Variants in TAF4B observed in about 807,000 individuals in gnomAD.
The protein encoded by TAF4B is transcription initiation factor TFIID subunit 4B.
Under a neutral mutation model 86.4 loss-of-function variants are expected in TAF4B, and 38 were observed. The ratio of observed to expected loss-of-function variants is 0.44; its 90% CI spans 0.34 to 0.58. The LOEUF (loss-of-function observed/expected upper bound fraction) is 0.58, where lower values mean the gene tolerates loss of function less well. TAF4B is among the 20% of genes least tolerant of loss of function. The pLI, the probability that TAF4B is intolerant of heterozygous loss-of-function variation, is 0.02. For synonymous variants in TAF4B, 388 were observed against 391.2 expected (o/e 0.99, Z 0.10); for missense variants, 988 against 1,027.6 (o/e 0.96, Z 0.53).
chr18:26,329,858 G>A (rs918706600), intron 12 of TAF4B, among the ~76,000 whole-genome samples: 1 of 152,010 alleles, frequency 6.6e-6, no homozygotes, highest in African/African-American at 2.4e-5. Flanking sequence ...AGACTAGAGT[G>A]CAGTGGTGTG....
chr18:26,328,835 G>T (rs2057028271), intron 12 of TAF4B, among the ~76,000 whole-genome samples: 1 of 151,938 alleles, frequency 6.6e-6, no homozygotes, highest in African/African-American at 2.4e-5. Context: ...GCCCAGGGTG[G>T]TCTCGAACTC....
intron 5 of TAF4B, among the ~76,000 whole-genome samples, chr18:26,281,360 G>A (rs1007720413): frequency 1.4e-4 from 22 of 151,882 alleles, no homozygotes; most frequent in African/African-American, 4.1e-4. Context: ...CTCTGTCACC[G>A]CACAATTATA....
intron 12 of TAF4B, among the ~76,000 whole-genome samples, chr18:26,332,198 C>A (rs562170453): frequency 1.3e-5 from 2 of 152,296 alleles, no homozygotes; most frequent in South Asian, 4.2e-4. Flanking sequence ...TCCTTGATTC[C>A]TCTCTTTACT....
intron 7 of TAF4B, 84 bp from the exon 8 acceptor site, chr18:26,292,162 A>C: frequency 2.1e-6 from 3 of 1,453,518 alleles, no homozygotes; most frequent in Non-Finnish European, 2.8e-6. Context: ...CTGGGGGAAC[A>C]CAATCTGTTG....
At chr18:26,302,079 C>T (rs2056739376) in intron 9 of TAF4B, among the ~76,000 whole-genome samples, 1 of 152,162 alleles carries the variant, frequency 6.6e-6, no homozygotes, top group African/African-American at 2.4e-5. Context: ...GTTTCTTGTC[C>T]TCAAAACAAT....
chr18:26,367,701 T>A (rs185477135), intron 14 of TAF4B, among the ~76,000 whole-genome samples: 50 of 152,350 alleles, frequency 3.3e-4, no homozygotes, highest in African/African-American at 1.1e-3. Flanking sequence ...CATAGACATT[T>A]TCCCATACTG....
chr18:26,226,863 C>A lies in TAF4B; in HGVS notation c.-71C>A. ...CCCGAACCGCACCGGAGTCGGCTGC[C>A]GCGCGCCAAGCCTCCCCTCACCTCT... On this transcript the variant is annotated 5_prime_UTR_variant, in exon 1 of 15. Transcript: ENST00000269142. 6 of 1,238,726 alleles carry A rather than the reference C, an allele frequency of 4.8e-6. No homozygotes were observed. The highest frequency in any genetic ancestry group is 5.2e-6 in the Non-Finnish European group (5 of 967,044). The allele number at this position is 1,238,726 out of a possible 1,614,324, so 76.7% of individuals were successfully genotyped here.
intron 1 of TAF4B, among the ~76,000 whole-genome samples, chr18:26,247,545 C>T (rs980940851): frequency 2.0e-5 from 3 of 152,056 alleles, no homozygotes; most frequent in African/African-American, 7.2e-5. Context: ...ATTACCCTCC[C>T]CCCAAAGTTT....
intron 1 of TAF4B, among the ~76,000 whole-genome samples, chr18:26,255,160 C>T (rs2056063587): frequency 6.6e-6 from 1 of 151,866 alleles, no homozygotes; most frequent in South Asian, 2.1e-4. Flanking sequence ...CTGAAATTCC[C>T]CTGGTTTCAT....
At chr18:26,261,348 C>A (rs920260659) in intron 1 of TAF4B, among the ~76,000 whole-genome samples, 1 of 151,312 alleles carries the variant, frequency 6.6e-6, no homozygotes, top group Non-Finnish European at 1.5e-5. Flanking sequence ...CTACAGGCGC[C>A]CGCCACTACG....
Position 26,309,356 on chromosome 18 carries a change from C to T in TAF4B, c.1833-5873C>T, listed in dbSNP as rs533758391. ...ATATCTATTACCATGACTTTGACAG[C>T]TTTCCAATAGTTATATTTTCTGATT... On this transcript the variant is annotated intron_variant, in intron 9 of 14. Transcript: ENST00000269142. Among the ~76,000 whole-genome samples the T allele has an allele frequency of 2.8e-5, 4 of 141,038 alleles. No individual in the cohort carries two copies. The South Asian group carries it at 9.3e-4, about 33-fold the overall frequency. 92.5% of individuals were successfully genotyped at this position (141,038 alleles called of 152,430 possible).
At chr18:26,346,018 G>C (rs2057176164) in intron 13 of TAF4B, among the ~76,000 whole-genome samples, 1 of 152,014 alleles carries the variant, frequency 6.6e-6, no homozygotes, top group Non-Finnish European at 1.5e-5. Context: ...ACCCAGGCTG[G>C]AGTGCAGTGT....
At chr18:26,272,092 C>G (rs1182363146) in intron 3 of TAF4B, among the ~76,000 whole-genome samples, 1 of 152,014 alleles carries the variant, frequency 6.6e-6, no homozygotes, top group African/African-American at 2.4e-5. Flanking sequence ...CCAGGCTCCT[C>G]CCCCTTGCAA....
chr18:26,293,024 T>C (rs2056613072), intron 8 of TAF4B, among the ~76,000 whole-genome samples: 1 of 152,238 alleles, frequency 6.6e-6, no homozygotes, highest in South Asian at 2.1e-4. Context: ...CACACTTGTA[T>C]GCATGTACAT....
chr18:26,239,825 C>T (rs2055809225), intron 1 of TAF4B, among the ~76,000 whole-genome samples: 1 of 152,186 alleles, frequency 6.6e-6, no homozygotes, highest in African/African-American at 2.4e-5. Context: ...GTTTTCCCAG[C>T]ACCATTTATT....
At chr18:26,326,391 T>C (rs190191499) in intron 11 of TAF4B, among the ~76,000 whole-genome samples, 7 of 152,352 alleles carry the variant, frequency 4.6e-5, no homozygotes, top group Admixed American at 3.9e-4. Flanking sequence ...TAAATTTCTT[T>C]GACCACAGTT....
chr18:26,239,949 C>A (rs2055811869), intron 1 of TAF4B, among the ~76,000 whole-genome samples: 1 of 152,104 alleles, frequency 6.6e-6, no homozygotes, highest in African/African-American at 2.4e-5. Context: ...TGGTCTATAT[C>A]TCTGTTTTGG....
At chr18:26,353,889 T>G (rs1206240699) in intron 13 of TAF4B, among the ~76,000 whole-genome samples, 1 of 152,226 alleles carries the variant, frequency 6.6e-6, no homozygotes, top group Non-Finnish European at 1.5e-5. Context: ...CTTATAGATA[T>G]GCATTAGGTG....
Position 26,322,830 on chromosome 18 carries a change from G to GT in TAF4B, c.2133+1636dup, listed in dbSNP as rs1284688251. Among the ~76,000 whole-genome samples the GT allele has an allele frequency of 5.3e-5, 8 of 151,768 alleles. 1 individual carries two copies. In the East Asian group the frequency reaches 1.4e-3, roughly 26 times the overall value. ...TTAGTTTCATAAGATGTAAAGTTAG[G>GT]TTTTTTATTTGAGATCTTCCTTTTA... On this transcript the variant is annotated intron_variant, in intron 11 of 14. Transcript: ENST00000269142.
Sources: gnomAD v4.1 joint callset for allele counts (sites outside exome capture counted in the v4.1 genomes callset) on GRCh38, gnomAD v4.1.1 for gene constraint, MANE v1.5 for transcripts, NCBI Gene and HGNC (gene_info 2026-07-23, HGNC 2026-07-21) for gene names.